Variants in DGKB observed in about 807,000 individuals in gnomAD.
The protein encoded by DGKB is 90 kDa diacylglycerol kinase.
In DGKB, 67 loss-of-function variants were observed where a neutral mutation model predicts 114.3. The observed-to-expected ratio is 0.59, with a 90% CI of 0.48 to 0.72. The LOEUF is 0.72. DGKB is among the 30% of genes least tolerant of loss of function. The pLI is 0.00. For missense variants in DGKB, 907 were observed against 975.2 expected (o/e 0.93, Z 0.93); for synonymous variants, 398 against 323.1 (o/e 1.23, Z -2.49).
intron 1 of DGKB, among the ~76,000 whole-genome samples, chr7:14,957,948 G>A (rs902424334): frequency 6.6e-6 from 1 of 151,976 alleles, no homozygotes; most frequent in African/African-American, 2.4e-5. Context: ...TCTTTAAAAT[G>A]TTTTTTAATA....
chr7:14,559,344 T>G (rs113556600), intron 20 of DGKB, among the ~76,000 whole-genome samples: 2,360 of 152,256 alleles, frequency 0.016, 26 homozygotes, highest in Non-Finnish European at 0.024. Flanking sequence ...TACTTTTTGC[T>G]CTGCAGTCCT....
intron 1 of DGKB, among the ~76,000 whole-genome samples, chr7:14,898,323 T>C (rs1000595318): frequency 2.6e-5 from 4 of 152,044 alleles, no homozygotes; most frequent in Non-Finnish European, 5.9e-5. Flanking sequence ...TGGTTAATAG[T>C]GGATTTAGAT....
At chr7:14,487,050 T>G (rs1783920773) in intron 20 of DGKB, among the ~76,000 whole-genome samples, 1 of 152,212 alleles carries the variant, frequency 6.6e-6, no homozygotes, top group Admixed American at 6.5e-5. Flanking sequence ...AAGAGTCATC[T>G]TGTTAAGTAA....
At chr7:14,641,880 C>T (rs1329086194) in intron 13 of DGKB, among the ~76,000 whole-genome samples, 1 of 151,810 alleles carries the variant, frequency 6.6e-6, no homozygotes, top group Non-Finnish European at 1.5e-5. Context: ...TCATTTTGTC[C>T]AGCCAAAAAA....
intron 20 of DGKB, among the ~76,000 whole-genome samples, chr7:14,539,712 A>G (rs12670888): frequency 0.011 from 1,714 of 152,236 alleles, 35 homozygotes; most frequent in East Asian, 0.083. Context: ...ACAGCACACT[A>G]TAAAGGCTTA....
At chr7:14,553,205 A>G (rs1278552706) in intron 20 of DGKB, among the ~76,000 whole-genome samples, 2 of 152,250 alleles carry the variant, frequency 1.3e-5, no homozygotes, top group African/African-American at 4.8e-5. Context: ...TAAAGACCCC[A>G]TAACATATGC....
At chr7:14,955,388 T>C (rs765884167) in intron 1 of DGKB, among the ~76,000 whole-genome samples, 2 of 152,026 alleles carry the variant, frequency 1.3e-5, no homozygotes, top group Admixed American at 6.6e-5. Flanking sequence ...CTTTTTTCTC[T>C]TATCGTATAC....
chr7:14,209,375 C>G (rs1787376075), intron 23 of DGKB: 1 of 460,620 alleles, frequency 2.2e-6, no homozygotes, highest in South Asian at 1.6e-5. Context: ...GATACAGACA[C>G]TGCTTGCAAC....
At chr7:14,321,169 T>C (rs1465775009) in intron 23 of DGKB, among the ~76,000 whole-genome samples, 2 of 152,070 alleles carry the variant, frequency 1.3e-5, no homozygotes, top group Non-Finnish European at 2.9e-5. Context: ...CACATGCCAG[T>C]GGTCCCAGCC....
chr7:14,150,518 CTTTA>C (rs573023627), intron 25 of DGKB, among the ~76,000 whole-genome samples: 133 of 152,134 alleles, frequency 8.7e-4, no homozygotes, highest in African/African-American at 3.1e-3. Context: ...GAATGAACAA[CTTTA>C]TTTAAGTCTG....
intron 6 of DGKB, among the ~76,000 whole-genome samples, chr7:14,712,122 G>C (rs1343638915): frequency 6.6e-6 from 1 of 152,128 alleles, no homozygotes; most frequent in Non-Finnish European, 1.5e-5. Context: ...TGGATTCTCT[G>C]TGAAGTTAAA....
chr7:14,726,248 T>C (rs1306708074), intron 5 of DGKB, among the ~76,000 whole-genome samples: 2 of 152,094 alleles, frequency 1.3e-5, no homozygotes, highest in Non-Finnish European at 2.9e-5. Flanking sequence ...CAAGCGATTC[T>C]CCTGCCTCAG....
intron 23 of DGKB, among the ~76,000 whole-genome samples, chr7:14,250,632 T>G (rs1795093023): frequency 6.6e-6 from 1 of 152,152 alleles, no homozygotes; most frequent in Non-Finnish European, 1.5e-5. Context: ...TTGGATGGAA[T>G]GTTCTTTATA....
intron 23 of DGKB, among the ~76,000 whole-genome samples, chr7:14,235,303 G>A (rs1295351807): frequency 6.6e-6 from 1 of 151,996 alleles, no homozygotes; most frequent in Non-Finnish European, 1.5e-5. Flanking sequence ...AAGAGGAAAA[G>A]GAAAAATACA....
intron 2 of DGKB, among the ~76,000 whole-genome samples, chr7:14,761,428 A>G (rs2128455068): frequency 6.6e-6 from 1 of 152,238 alleles, no homozygotes; most frequent in East Asian, 1.9e-4. Context: ...CATTTATCTT[A>G]TTTGTAAGTT....
chr7:14,435,756 C>T (rs2128800751), intron 21 of DGKB, among the ~76,000 whole-genome samples: 1 of 152,094 alleles, frequency 6.6e-6, no homozygotes, highest in East Asian at 1.9e-4. Flanking sequence ...GTTTTATCAA[C>T]TTGAAACTTT....
At chr7:14,437,930 T>C (rs1246726285) in intron 21 of DGKB, among the ~76,000 whole-genome samples, 7 of 151,846 alleles carry the variant, frequency 4.6e-5, no homozygotes, top group Non-Finnish European at 1.0e-4. Context: ...CAATATTTTT[T>C]CTTTAGCATA....
intron 2 of DGKB, among the ~76,000 whole-genome samples, chr7:14,818,708 T>C (rs1478780791): frequency 1.3e-5 from 2 of 152,178 alleles, no homozygotes; most frequent in Admixed American, 1.3e-4. Flanking sequence ...TAAATTCAAC[T>C]TTTAGTTGTG....
At chr7:14,387,112 A>C (rs571795332) in intron 21 of DGKB, among the ~76,000 whole-genome samples, 64 of 145,930 alleles carry the variant, frequency 4.4e-4, no homozygotes, top group Non-Finnish European at 7.5e-4. Context: ...TTATTTATTT[A>C]TTTATTTATT....
Sources: gnomAD v4.1 joint callset for allele counts (sites outside exome capture counted in the v4.1 genomes callset) on GRCh38, gnomAD v4.1.1 for gene constraint, MANE v1.5 for transcripts, NCBI Gene and HGNC (gene_info 2026-07-23, HGNC 2026-07-21) for gene names.